KLHDC1: variants seen among roughly 807,000 people sequenced by gnomAD.
The protein encoded by KLHDC1 is kelch domain containing 1, also known as kelch domain-containing protein 1.
A neutral mutation model predicts 68.3 loss-of-function variants in KLHDC1; 53 were observed. The ratio of observed to expected loss-of-function variants is 0.78; its 90% CI spans 0.62 to 0.98. The LOEUF (loss-of-function observed/expected upper bound fraction) is 0.98. Ranked by LOEUF, KLHDC1 falls within the 50% of genes least tolerant of loss-of-function variation. The pLI, the probability that KLHDC1 is intolerant of heterozygous loss-of-function variation, is 0.00. For missense variants in KLHDC1, 470 were observed against 492.3 expected (o/e 0.95, Z 0.43); for synonymous variants, 148 against 159.0 (o/e 0.93, Z 0.52).
chr14:49,702,591 C>G (rs1289794651), intron 1 of KLHDC1, among the ~76,000 whole-genome samples: 2 of 152,280 alleles, frequency 1.3e-5, no homozygotes, highest in Admixed American at 6.5e-5. Flanking sequence ...TGAATATTGT[C>G]AGGGTATTTA....
intron 12 of KLHDC1, among the ~76,000 whole-genome samples, chr14:49,747,048 G>A (rs1015274826): frequency 6.7e-6 from 1 of 150,242 alleles, no homozygotes; most frequent in Non-Finnish European, 1.5e-5. Context: ...CCGGGTTCAC[G>A]CCATTCTCCT....
In KLHDC1 at chr14:49,711,255, G is replaced by A. The variant is rs111589266; in HGVS notation, c.404+874G>A. Among the ~76,000 whole-genome samples the A allele has an allele frequency of 7.9e-3, 1,195 of 152,134 alleles. 16 individuals carry two copies. The highest frequency in any genetic ancestry group is 0.027 in the African/African-American group (1,126 of 41,504). The stretch of plus-strand genomic sequence containing the variant: ...CTCGCTCTGTCGCCTAGGCTGGAGC[G>A]CAGTGGCGCAATCTCGGCTCACTGC... On this transcript the variant is annotated intron_variant, in intron 4 of 12. Transcript: ENST00000359332.
chr14:49,743,414 AAAG>A (rs1253666202), intron 11 of KLHDC1, among the ~76,000 whole-genome samples: 16 of 151,230 alleles, frequency 1.1e-4, no homozygotes, highest in African/African-American at 3.9e-4. Context: ...AAAAAAAAAA[AAAG>A]AAAAGAAAAC....
At chr14:49,714,550 G>A (rs569732625) in intron 4 of KLHDC1, among the ~76,000 whole-genome samples, 1 of 152,112 alleles carries the variant, frequency 6.6e-6, no homozygotes, top group African/African-American at 2.4e-5. Flanking sequence ...AAGGCTGGAG[G>A]ATCCCTTGAG....
intron 1 of KLHDC1, among the ~76,000 whole-genome samples, chr14:49,696,236 G>C (rs1483713283): frequency 6.7e-6 from 1 of 149,314 alleles, no homozygotes; most frequent in East Asian, 2.0e-4. Flanking sequence ...CAGTGGAAAA[G>C]TCTTAGCTCA....
At chr14:49,722,550 G>T (rs1888555435) in intron 4 of KLHDC1, among the ~76,000 whole-genome samples, 1 of 152,184 alleles carries the variant, frequency 6.6e-6, no homozygotes, top group African/African-American at 2.4e-5. Context: ...AGTCTTTGAG[G>T]CTGGGTTTCT....
At chr14:49,740,848 A>C (rs1449257963) in intron 11 of KLHDC1, among the ~76,000 whole-genome samples, 1 of 152,140 alleles carries the variant, frequency 6.6e-6, no homozygotes, top group Non-Finnish European at 1.5e-5. Flanking sequence ...AAATCCCAGC[A>C]CTTTGGGAGG....
At chr14:49,740,388 A>G (rs1039966110) in intron 11 of KLHDC1, among the ~76,000 whole-genome samples, 1 of 151,998 alleles carries the variant, frequency 6.6e-6, no homozygotes, top group Admixed American at 6.6e-5. Flanking sequence ...CCCAGGCTGG[A>G]GTGCAGTGGT....
intron 12 of KLHDC1, among the ~76,000 whole-genome samples, 185 bp downstream of exon 12, chr14:49,743,990 A>G (rs1216325508): frequency 6.6e-6 from 1 of 152,202 alleles, no homozygotes; most frequent in Non-Finnish European, 1.5e-5. Flanking sequence ...AGTTTTAAAA[A>G]TTAAAATATA....
At chr14:49,695,550 G>A (rs1470468247) in intron 1 of KLHDC1, among the ~76,000 whole-genome samples, 3 of 152,154 alleles carry the variant, frequency 2.0e-5, no homozygotes, top group Admixed American at 6.6e-5. Flanking sequence ...TTCTTGTTCC[G>A]TTGTTAGAGC....
chr14:49,734,245 T>A (rs756778488), intron 9 of KLHDC1, among the ~76,000 whole-genome samples: 1 of 152,140 alleles, frequency 6.6e-6, no homozygotes, highest in Admixed American at 6.6e-5. Context: ...GATAATGGCA[T>A]TGTGGTTATG....
chr14:49,735,415 T>C (rs1888907966), intron 10 of KLHDC1, among the ~76,000 whole-genome samples: 1 of 152,058 alleles, frequency 6.6e-6, no homozygotes. Context: ...TTTAATGATA[T>C]ATATTTTGTT....
At chr14:49,721,059 TA>T (rs1434639476) in intron 4 of KLHDC1, among the ~76,000 whole-genome samples, 3 of 152,192 alleles carry the variant, frequency 2.0e-5, no homozygotes, top group Non-Finnish European at 1.5e-5. Context: ...ATCCTCATCA[TA>T]GTTTTTTTAA....
intron 5 of KLHDC1, chr14:49,725,476 T>G: frequency 7.0e-6 from 3 of 427,372 alleles, no homozygotes; most frequent in East Asian, 7.9e-5. Context: ...AACAATACTA[T>G]GAGAAGAAAA....
At chr14:49,751,500 TAAAAA>T in intron 12 of KLHDC1, 81 bp from the exon 13 acceptor site, 1 of 666,528 alleles carries the variant, frequency 1.5e-6, no homozygotes, top group Non-Finnish European at 2.2e-6. Context: ...ACTACAATGT[TAAAAA>T]AGAAAGAATT....
At chr14:49,715,062 G>GT (rs1566603968) in intron 4 of KLHDC1, among the ~76,000 whole-genome samples, 1 of 144,726 alleles carries the variant, frequency 6.9e-6, no homozygotes, top group Admixed American at 6.9e-5. Context: ...TATTATATAT[G>GT]TTTTTTGTAT....
chr14:49,719,668 C>A (rs1046370976), intron 4 of KLHDC1, among the ~76,000 whole-genome samples: 1 of 152,096 alleles, frequency 6.6e-6, no homozygotes, highest in East Asian at 1.9e-4. Flanking sequence ...GAACTCCTGA[C>A]CTCGTGATCC....
intron 12 of KLHDC1, among the ~76,000 whole-genome samples, 199 bp downstream of exon 12, chr14:49,744,004 G>T (rs1366928164): frequency 1.3e-5 from 2 of 152,052 alleles, no homozygotes; most frequent in African/African-American, 2.4e-5. Context: ...AAATATACAT[G>T]CGTGGCGTGA....
chr14:49,731,694 G>T (rs1006611573), intron 8 of KLHDC1, among the ~76,000 whole-genome samples: 3 of 151,826 alleles, frequency 2.0e-5, no homozygotes, highest in Non-Finnish European at 4.4e-5. Flanking sequence ...TTATTATTAT[G>T]ATTATTCTTG....
Sources: gnomAD v4.1 joint callset for allele counts (sites outside exome capture counted in the v4.1 genomes callset) on GRCh38, gnomAD v4.1.1 for gene constraint, MANE v1.5 for transcripts, NCBI Gene and HGNC (gene_info 2026-07-23, HGNC 2026-07-21) for gene names.